DTNA: variants seen among roughly 807,000 people sequenced by gnomAD.
DTNA encodes the protein dystrophin-related protein 3.
In DTNA, 43 loss-of-function variants were observed where a neutral mutation model predicts 100.7. The observed-to-expected ratio is 0.43, with a 90% CI of 0.33 to 0.55. DTNA has a LOEUF of 0.55. Among genes scored for constraint, DTNA ranks in the 20% least tolerant of loss-of-function variants. The pLI, the probability that DTNA is intolerant of heterozygous loss-of-function variation, is 0.04. For missense variants in DTNA, 798 were observed against 953.9 expected, an observed-to-expected ratio of 0.84 and a Z score of 2.15; for synonymous variants, 349 against 347.9, an observed-to-expected ratio of 1.00 and a Z score of -0.04.
chr18:34,699,066 A>G (rs1194992394), intron 1 of DTNA, among the ~76,000 whole-genome samples: 1 of 151,774 alleles, frequency 6.6e-6, no homozygotes, highest in Non-Finnish European at 1.5e-5. Flanking sequence ...TAAAGGAGAT[A>G]ATAATATGCA....
chr18:34,838,799 C>G lies in DTNA; in HGVS notation c.1308C>G (p.Ile436Met), dbSNP rs368913791. ...ADRLADEHVLIGLYVNMLRNN... is the reference protein window; with the variant it reads ...ADRLADEHVLMGLYVNMLRNN... The stretch of plus-strand genomic sequence containing the variant: ...GGCTAGCTGATGAACATGTTCTCAT[C>G]GGGTTGTATGTCAACATGCTCCGGA... Residue 436 changes from isoleucine to methionine, a missense_variant, in exon 13 of 23, where the codon ATC becomes ATG. Coordinates refer to ENST00000444659, the MANE Select transcript of DTNA (RefSeq NM_001386795.1). 1.2e-6 allele frequency: 2 copies of G among 1,613,720 alleles called. No individual in the cohort carries two copies. The highest frequency in any genetic ancestry group is 2.2e-5 in the South Asian group (2 of 91,066).
At chr18:34,614,448 G>T (rs1277918046) in intron 1 of DTNA, among the ~76,000 whole-genome samples, 2 of 152,118 alleles carry the variant, frequency 1.3e-5, no homozygotes, top group Non-Finnish European at 2.9e-5. Context: ...TTCCTCTGAT[G>T]GATCTGGACA....
rs1176866045 is a variant in DTNA at position 34,572,550 on chromosome 18, G to A, written c.-2+79036G>A. Among the ~76,000 whole-genome samples, 7 of 152,096 alleles carry A rather than the reference G, an allele frequency of 4.6e-5. No individual in the cohort carries two copies. In the East Asian group the frequency reaches 9.6e-4, roughly 21 times the overall value. On this transcript the variant is annotated intron_variant, in intron 1 of 19. Transcript: ENST00000283365. ...ACTCACTGTAAGGCACAGCAGAGGC[G>A]GAATGTGAGTTCAGGGCTTCTAGCA... is the stretch of plus-strand genomic sequence containing the variant.
chr18:34,669,153 T>G (rs1183649046), intron 1 of DTNA, among the ~76,000 whole-genome samples: 2 of 152,244 alleles, frequency 1.3e-5, no homozygotes, highest in African/African-American at 4.8e-5. Context: ...GCACTTCTTG[T>G]TAAATCGATA....
At chr18:34,561,899 TG>T (rs2046672166) in intron 1 of DTNA, among the ~76,000 whole-genome samples, 1 of 152,218 alleles carries the variant, frequency 6.6e-6, no homozygotes, top group Non-Finnish European at 1.5e-5. Context: ...TACTTATACT[TG>T]TGCCGACGGA....
chr18:34,794,966 A>G (rs1363043120), intron 4 of DTNA, among the ~76,000 whole-genome samples: 1 of 152,220 alleles, frequency 6.6e-6, no homozygotes, highest in Admixed American at 6.5e-5. Flanking sequence ...GTGGGGACTT[A>G]GGTGTTCAAC....
chr18:34,741,469 T>C (rs746154080), intron 1 of DTNA, among the ~76,000 whole-genome samples: 2 of 152,224 alleles, frequency 1.3e-5, no homozygotes, highest in Non-Finnish European at 2.9e-5. Flanking sequence ...TAACTAAATA[T>C]ATTGACACTT....
In DTNA at chr18:34,804,702, GATA is replaced by G. The variant is rs1274337351; in HGVS notation, c.363-1514_363-1512del. Among the ~76,000 whole-genome samples, 5 of 152,300 alleles carry G rather than the reference GATA, an allele frequency of 3.3e-5. 1 individual carries two copies. The highest frequency in any genetic ancestry group is 3.3e-4 in the Admixed American group (5 of 15,300). On this transcript the variant is annotated intron_variant, in intron 4 of 22. Transcript: ENST00000444659. ...GAGTATTATGGAAGAGCTCTGTAAA[GATA>G]ATGAGTTCTCTTTTGAACATACTTA... is the stretch of plus-strand genomic sequence containing the variant.
At chr18:34,530,772 A>C (rs1601539638) in intron 1 of DTNA, among the ~76,000 whole-genome samples, 1 of 152,140 alleles carries the variant, frequency 6.6e-6, no homozygotes, top group East Asian at 1.9e-4. Context: ...CCAGAATTCA[A>C]ACCAAAGCTA....
intron 1 of DTNA, among the ~76,000 whole-genome samples, chr18:34,533,154 T>G (rs2043316568): frequency 6.6e-6 from 1 of 151,872 alleles, no homozygotes. Context: ...GTGGATCACC[T>G]GAGGTCAGAA....
chr18:34,684,029 G>A (rs1285908398), intron 1 of DTNA, among the ~76,000 whole-genome samples: 1 of 151,932 alleles, frequency 6.6e-6, no homozygotes, highest in Non-Finnish European at 1.5e-5. Context: ...TAGGGTCAAG[G>A]GAAACACCTG....
intron 9 of DTNA, among the ~76,000 whole-genome samples, chr18:34,821,266 A>T (rs1188744242): frequency 6.6e-6 from 1 of 152,214 alleles, no homozygotes; most frequent in African/African-American, 2.4e-5. Context: ...CCTTAATTTC[A>T]TATGTGCTTT....
Position 34,614,172 on chromosome 18 carries a change from T to C in DTNA, c.-2+120658T>C, listed in dbSNP as rs75626809. On this transcript the variant is annotated intron_variant, in intron 1 of 19. Coordinates refer to the DTNA transcript ENST00000283365. ...TAATGCATCTGTTTATAGCATGGTT[T>C]CCTGAATTTTTAAAAATATTTTAAG... 2.7e-3 allele frequency among the ~76,000 whole-genome samples: 418 copies of C among 152,330 alleles called. 10 individuals are homozygous for C. In the East Asian group the frequency reaches 0.049, roughly 18 times the overall value.
At chr18:34,756,080 C>G in intron 2 of DTNA, 37 bp downstream of exon 2, 1 of 1,583,230 alleles carries the variant, frequency 6.3e-7, no homozygotes, top group Non-Finnish European at 8.7e-7. Context: ...CCTATAGTTT[C>G]CATTGAATAC....
At chr18:34,693,299 T>C (rs1057151880) in intron 1 of DTNA, among the ~76,000 whole-genome samples, 3 of 152,188 alleles carry the variant, frequency 2.0e-5, no homozygotes, top group African/African-American at 7.2e-5. Context: ...CCATAGATTA[T>C]ATCATAGAGT....
Position 34,888,049 on chromosome 18 carries a change from G to GT in DTNA, c.*316dup, listed in dbSNP as rs2096938577. The GT allele has an allele frequency of 1.0e-6, 1 of 985,746 alleles. No individual in the cohort carries two copies. Among genetic ancestry groups the GT allele is most frequent in the Admixed American group, 6.1e-5 (1 of 16,262 alleles). The allele number at this position is 985,746 out of a possible 1,614,324, so 61.1% of individuals were successfully genotyped here. On this transcript the variant is annotated 3_prime_UTR_variant, in exon 23 of 23. Coordinates refer to ENST00000444659, the MANE Select transcript of DTNA (RefSeq NM_001386795.1). ...AGTTAACTTATCAGCTACATCCTCT[G>GT]TAACGTGGTTCATCCCTGGTTAAAA...
intron 1 of DTNA, among the ~76,000 whole-genome samples, chr18:34,536,895 G>A (rs1227828904): frequency 6.6e-6 from 1 of 151,898 alleles, no homozygotes; most frequent in African/African-American, 2.4e-5. Flanking sequence ...AAATAATATG[G>A]GAGGAGAAGG....
chr18:34,720,339 G>A (rs988712977), intron 1 of DTNA, among the ~76,000 whole-genome samples: 1 of 152,142 alleles, frequency 6.6e-6, no homozygotes, highest in Admixed American at 6.5e-5. Flanking sequence ...AAATAAGAAA[G>A]TCAATAAAAG....
intron 1 of DTNA, among the ~76,000 whole-genome samples, chr18:34,731,086 A>G (rs901241209): frequency 2.0e-5 from 3 of 152,226 alleles, no homozygotes; most frequent in Admixed American, 2.0e-4. Context: ...CCCAGAACAA[A>G]GGGTCTTCCA....
Sources: allele counts gnomAD v4.1 joint callset (sites outside exome capture counted in the v4.1 genomes callset), GRCh38; gene constraint gnomAD v4.1.1; transcripts MANE v1.5; gene names NCBI Gene and HGNC (gene_info 2026-07-23, HGNC 2026-07-21).